The following NCOA7 variants were observed in gnomAD, a reference collection of about 807,000 sequenced individuals.
NCOA7 encodes 140 kDa estrogen receptor-associated protein.
Under a neutral mutation model 104.3 loss-of-function variants are expected in NCOA7, and 45 were observed. The ratio of observed to expected loss-of-function variants is 0.43; its 90% CI spans 0.34 to 0.55. The LOEUF (loss-of-function observed/expected upper bound fraction) is 0.55. NCOA7 is among the 20% of genes least tolerant of loss of function. NCOA7 has a pLI of 0.02. For missense variants in NCOA7, 1,041 were observed against 1,119.7 expected (o/e 0.93, Z 1.00); for synonymous variants, 398 against 402.3 (o/e 0.99, Z 0.13).
intron 2 of NCOA7, among the ~76,000 whole-genome samples, chr6:125,848,008 T>G (rs1780777405): frequency 6.6e-6 from 1 of 152,184 alleles, no homozygotes; most frequent in Non-Finnish European, 1.5e-5. Flanking sequence ...CAGACACTTC[T>G]CAAAAGAAGA....
intron 1 of NCOA7, among the ~76,000 whole-genome samples, chr6:125,784,613 A>G (rs1297857203): frequency 6.6e-6 from 1 of 152,234 alleles, no homozygotes; most frequent in Non-Finnish European, 1.5e-5. Flanking sequence ...CTTTATTCAT[A>G]ATAGCCAAAA....
At chr6:125,794,939 C>T (rs1775167234) in intron 1 of NCOA7, among the ~76,000 whole-genome samples, 2 of 152,018 alleles carry the variant, frequency 1.3e-5, no homozygotes, top group South Asian at 4.1e-4. Flanking sequence ...GACAATCTGA[C>T]CTTCGCGTCA....
chr6:125,821,222 G>A (rs1287895053), intron 2 of NCOA7, among the ~76,000 whole-genome samples: 1 of 152,106 alleles, frequency 6.6e-6, no homozygotes, highest in East Asian at 1.9e-4. Flanking sequence ...AAAGGCTTTT[G>A]TAAAAAGTGA....
rs149331511 is a variant in NCOA7, at chr6:125,824,332, C to T, written c.50+8928C>T. Among the ~76,000 whole-genome samples the T allele has an allele frequency of 7.5e-3, 1,135 of 152,242 alleles. 11 individuals carry two copies. The highest frequency in any genetic ancestry group is 0.026 in the African/African-American group (1,071 of 41,532). ...CCCAGATGGAACTATTGTGGTGAAA[C>T]TTGGGAGACTTTTGCTTTTGGACCT... On this transcript the variant is annotated intron_variant, in intron 2 of 15. Coordinates refer to ENST00000392477, the MANE Select transcript of NCOA7 (RefSeq NM_181782.5).
intron 2 of NCOA7, among the ~76,000 whole-genome samples, chr6:125,821,962 T>C (rs1210016845): frequency 6.6e-6 from 1 of 152,214 alleles, no homozygotes; most frequent in Non-Finnish European, 1.5e-5. Context: ...CAAAGTGTTA[T>C]GCTCCTTGTC....
At chr6:125,806,653 G>A (rs941499911) in intron 1 of NCOA7, among the ~76,000 whole-genome samples, 1 of 152,130 alleles carries the variant, frequency 6.6e-6, no homozygotes, top group Non-Finnish European at 1.5e-5. Context: ...GCAAGCAGAG[G>A]TGCCAAATGC....
intron 10 of NCOA7, among the ~76,000 whole-genome samples, chr6:125,910,909 T>G (rs946098896): frequency 6.6e-6 from 1 of 152,188 alleles, no homozygotes; most frequent in Non-Finnish European, 1.5e-5. Context: ...GAAAGCTATC[T>G]AGGATATGTT....
At chr6:125,862,664 C>T (rs537098175) in intron 3 of NCOA7, among the ~76,000 whole-genome samples, 1 of 137,656 alleles carries the variant, frequency 7.3e-6, no homozygotes, top group South Asian at 2.2e-4. Context: ...TGTTTGATAA[C>T]ATTTTCAACA....
intron 13 of NCOA7, among the ~76,000 whole-genome samples, chr6:125,923,364 T>C (rs1583560506): frequency 6.6e-6 from 1 of 152,144 alleles, no homozygotes; most frequent in Non-Finnish European, 1.5e-5. Flanking sequence ...ACTGTACCGT[T>C]CTTGATTGTA....
chr6:125,853,788 C>T (rs899951668), intron 2 of NCOA7, among the ~76,000 whole-genome samples: 4 of 152,006 alleles, frequency 2.6e-5, no homozygotes, highest in South Asian at 4.1e-4. Context: ...TGTTAGAGAC[C>T]TAAGGAAGTA....
chr6:125,889,600 G>T lies in NCOA7; in HGVS notation c.1546G>T (p.Asp516Tyr). Residue 516 changes from aspartate to tyrosine, a missense_variant, in exon 9 of 16, where the codon GAT becomes TAT. This residue lies in a region of NCOA7 where 914 missense variants were observed against 942.7 expected (regional missense o/e 0.97). Transcript: ENST00000392477. ...AGAAAACACACTGAACATACATGAA[G>T]ATTTAGATAAAGTTAAACTCATTGA... ...RVENTLNIHE[D>Y]LDKVKLIEYY... is the part of the protein sequence containing the mutation. The T allele has an allele frequency of 6.2e-7, 1 of 1,613,776 alleles. No homozygotes were observed. Among genetic ancestry groups the T allele is most frequent in the Non-Finnish European group, 8.5e-7 (1 of 1,179,942 alleles).
chr6:125,900,935 G>C (rs962330027), intron 10 of NCOA7, among the ~76,000 whole-genome samples: 1 of 152,140 alleles, frequency 6.6e-6, no homozygotes, highest in Non-Finnish European at 1.5e-5. Context: ...TTCCAGCCAG[G>C]CCATTAGGAC....
intron 3 of NCOA7, among the ~76,000 whole-genome samples, chr6:125,869,026 G>A (rs531460438): frequency 2.0e-5 from 3 of 152,278 alleles, no homozygotes; most frequent in South Asian, 4.1e-4. Context: ...GTTTGTGCTT[G>A]TTCAGATACT....
intron 13 of NCOA7, among the ~76,000 whole-genome samples, chr6:125,927,450 G>A (rs6918302): frequency 0.71 from 107,698 of 152,104 alleles, 39,010 homozygotes; most frequent in African/African-American, 0.87. Context: ...TGAATTTTGC[G>A]TGCACCAGGA....
At chr6:125,827,589 C>A (rs962188866) in intron 2 of NCOA7, among the ~76,000 whole-genome samples, 1 of 152,066 alleles carries the variant, frequency 6.6e-6, no homozygotes, top group African/African-American at 2.4e-5. Context: ...ATTTAAAGGT[C>A]ATTTAATACT....
At chr6:125,852,089 G>A (rs918736176) in intron 2 of NCOA7, among the ~76,000 whole-genome samples, 1 of 152,106 alleles carries the variant, frequency 6.6e-6, no homozygotes, top group African/African-American at 2.4e-5. Flanking sequence ...TTGTGCAGAA[G>A]CTTTTTAGTT....
chr6:125,887,661 C>G (rs1784356116), intron 8 of NCOA7, among the ~76,000 whole-genome samples: 1 of 152,138 alleles, frequency 6.6e-6, no homozygotes, highest in Non-Finnish European at 1.5e-5. Context: ...TCAGAACTTC[C>G]TGGTACTTTG....
chr6:125,907,454 GTCCCT>G lies in NCOA7; in HGVS notation c.2097-7878_2097-7874del, dbSNP rs2128679064. 2.6e-5 allele frequency among the ~76,000 whole-genome samples: 4 copies of G among 152,310 alleles called. No homozygotes were observed. The East Asian group carries it at 7.7e-4, about 29-fold the overall frequency. ...CGGGCTGGCTCCGGTGGTGCTGTGA[GTCCCT>G]CATCAGCGGAAGGTGCAGGAGCGGG... On this transcript the variant is annotated intron_variant, in intron 10 of 15. Coordinates refer to ENST00000392477, the MANE Select transcript of NCOA7 (RefSeq NM_181782.5).
intron 2 of NCOA7, among the ~76,000 whole-genome samples, chr6:125,837,771 T>A (rs574690401): frequency 6.6e-6 from 1 of 152,358 alleles, no homozygotes; most frequent in Admixed American, 6.5e-5. Context: ...ATCATCCATA[T>A]GCTATTATAT....
Sources: gnomAD v4.1 joint callset for allele counts (sites outside exome capture counted in the v4.1 genomes callset) on GRCh38, gnomAD v4.1.1 for gene constraint, gnomAD v4.1.1 regional missense constraint, MANE v1.5 for transcripts, NCBI Gene and HGNC (gene_info 2026-07-23, HGNC 2026-07-21) for gene names.